Variants in TAFA5 observed in about 807,000 individuals in gnomAD.
TAFA5 encodes the protein TAFA chemokine like family member 5.
In TAFA5, 6 loss-of-function variants were observed where a neutral mutation model predicts 15.3. That is an observed-to-expected ratio of 0.39 (90% CI 0.21 to 0.77). TAFA5 has a LOEUF of 0.77. Ranked by LOEUF, TAFA5 falls within the 30% of genes least tolerant of loss-of-function variation. The probability of loss-of-function intolerance (pLI) is 0.41; values close to 1 mark genes in which losing one functional copy is unlikely to be tolerated. For synonymous variants in TAFA5, 103 were observed against 80.7 expected (o/e 1.28, Z -1.48); for missense variants, 161 against 193.1 (o/e 0.83, Z 0.98).
At chr22:48,557,070 G>C (rs892312826) in intron 1 of TAFA5, among the ~76,000 whole-genome samples, 5 of 152,230 alleles carry the variant, frequency 3.3e-5, no homozygotes, top group African/African-American at 1.2e-4. Flanking sequence ...AGCGGGGAGT[G>C]CGCCCAGGTC....
At position 48,689,869 on chromosome 22, in the gene TAFA5, G is replaced by C. The variant is rs886688293; in HGVS notation, c.263-17848G>C. On this transcript the variant is annotated intron_variant, in intron 2 of 3. Transcript: ENST00000402357. ...GGTTGGTGTAAGTGTCTCTGAGCCT[G>C]GCTGGGTGCTTCCCTCAGTCACTAG... Among the ~76,000 whole-genome samples, 12 of 152,334 alleles carry C rather than the reference G, an allele frequency of 7.9e-5. No individual in the cohort carries two copies. In the South Asian group the frequency reaches 1.0e-3, roughly 13 times the overall value.
intron 1 of TAFA5, among the ~76,000 whole-genome samples, chr22:48,515,291 A>G (rs1164398403): frequency 6.6e-6 from 1 of 151,936 alleles, no homozygotes; most frequent in Non-Finnish European, 1.5e-5. Flanking sequence ...GCAGGTGCAG[A>G]GCTGGCAAAT....
chr22:48,544,737 G>C (rs552947760), intron 1 of TAFA5: 7 of 471,152 alleles, frequency 1.5e-5, no homozygotes, highest in Non-Finnish European at 3.1e-5. Context: ...TCCCCACTCC[G>C]GGCTGCGGGG....
chr22:48,539,117 G>A, intron 1 of TAFA5: 1 of 268,894 alleles, frequency 3.7e-6, no homozygotes, highest in South Asian at 4.3e-5. Context: ...CCCGGGGAGA[G>A]AAGTATCCTG....
chr22:48,693,523 G>C (rs1277414613), intron 2 of TAFA5: 2 of 1,485,080 alleles, frequency 1.3e-6, no homozygotes, highest in Non-Finnish European at 1.8e-6. Context: ...CAGCAGGTGA[G>C]GCCCGCAGGA....
At chr22:48,532,997 G>A (rs1033282293) in intron 1 of TAFA5, among the ~76,000 whole-genome samples, 3 of 152,176 alleles carry the variant, frequency 2.0e-5, no homozygotes, top group Admixed American at 6.5e-5. Flanking sequence ...TGAAGTGAGC[G>A]CAGGGTGCTG....
rs1923735570 is a variant in TAFA5, at chr22:48,575,410, G to C, written c.113-71187G>C. 2.0e-5 allele frequency among the ~76,000 whole-genome samples: 3 copies of C among 146,598 alleles called. No individual in the cohort carries two copies. The South Asian group carries it at 6.3e-4, about 31-fold the overall frequency. On this transcript the variant is annotated intron_variant, in intron 1 of 3. Coordinates refer to ENST00000402357, the MANE Select transcript of TAFA5 (RefSeq NM_001082967.3). ...CGCAGACGGCGGCGGGCGCGGGCCG[G>C]AGTCCGAGGCTGCGCGGGCCCGGCC...
In TAFA5 at chr22:48,707,602, C is replaced by T. The variant is rs976854718; in HGVS notation, c.263-115C>T. The T allele has an allele frequency of 2.0e-4, 256 of 1,303,090 alleles. 3 individuals are homozygous for T. In the South Asian group the frequency reaches 2.1e-3, roughly 11 times the overall value. 80.7% of individuals were successfully genotyped at this position (1,303,090 alleles called of 1,614,324 possible). On this transcript the variant is annotated intron_variant, in intron 2 of 3. Coordinates refer to ENST00000402357, the MANE Select transcript of TAFA5 (RefSeq NM_001082967.3). ...GTGTGAGGGTCCCTGGGTGGAGCCA[C>T]GCCGGGCATTGCCTGAGGGCCCCCC...
At chr22:48,493,622 A>G (rs1340280005) in intron 1 of TAFA5, among the ~76,000 whole-genome samples, 3 of 152,104 alleles carry the variant, frequency 2.0e-5, no homozygotes, top group Non-Finnish European at 4.4e-5. Flanking sequence ...AAAAATTCTC[A>G]CTGTGTTTTT....
At chr22:48,527,368 C>T (rs1034252641) in intron 1 of TAFA5, among the ~76,000 whole-genome samples, 1 of 152,250 alleles carries the variant, frequency 6.6e-6, no homozygotes, top group African/African-American at 2.4e-5. Flanking sequence ...AATGGATGAG[C>T]AGCTATGGTG....
At chr22:48,676,843 G>T (rs189173540) in intron 2 of TAFA5, among the ~76,000 whole-genome samples, 1 of 152,240 alleles carries the variant, frequency 6.6e-6, no homozygotes, top group Non-Finnish European at 1.5e-5. Flanking sequence ...CTTCCTGGAA[G>T]TGGGATGCTC....
intron 1 of TAFA5, among the ~76,000 whole-genome samples, chr22:48,630,471 G>A (rs1421766834): frequency 3.3e-5 from 5 of 152,080 alleles, no homozygotes; most frequent in Non-Finnish European, 5.9e-5. Context: ...TTGTTGAGTC[G>A]TCAGCGGCGT....
chr22:48,740,468 A>G (rs1930147923), intron 3 of TAFA5, among the ~76,000 whole-genome samples: 1 of 152,120 alleles, frequency 6.6e-6, no homozygotes, highest in Non-Finnish European at 1.5e-5. Context: ...CCCACTGCTT[A>G]GTGAGCAAAA....
At chr22:48,740,945 T>G (rs1316846102) in intron 3 of TAFA5, among the ~76,000 whole-genome samples, 1 of 152,204 alleles carries the variant, frequency 6.6e-6, no homozygotes, top group African/African-American at 2.4e-5. Flanking sequence ...AGGTCCCATC[T>G]GCCTCCTCGC....
At position 48,607,495 on chromosome 22, in the gene TAFA5, C is replaced by A. The variant is rs1036169651; in HGVS notation, c.113-39102C>A. On this transcript the variant is annotated intron_variant, in intron 1 of 3. Transcript: ENST00000402357. The stretch of plus-strand genomic sequence containing the variant: ...GGTCTGTCCCGGGTTCTGATTAGGG[C>A]TGGCCCACCCATCCCAGGTACCTCA... 1.4e-4 allele frequency among the ~76,000 whole-genome samples: 20 copies of A among 138,548 alleles called. 2 individuals are homozygous for A. The highest frequency in any genetic ancestry group is 6.7e-4 in the South Asian group (3 of 4,466). The allele number at this position is 138,548 out of a possible 152,430, so 90.9% of individuals were successfully genotyped here.
chr22:48,495,862 C>T (rs144200618), intron 1 of TAFA5, among the ~76,000 whole-genome samples: 16 of 152,336 alleles, frequency 1.1e-4, no homozygotes, highest in Middle Eastern at 3.4e-3. Context: ...CTGAGCCCTC[C>T]GGCCCAGGTG....
intron 3 of TAFA5, among the ~76,000 whole-genome samples, chr22:48,745,641 C>G (rs1410218680): frequency 6.6e-6 from 1 of 152,270 alleles, no homozygotes; most frequent in Non-Finnish European, 1.5e-5. Context: ...CTAGAATTCA[C>G]TCCGTCTTCA....
chr22:48,673,835 C>A (rs1299358462), intron 2 of TAFA5, among the ~76,000 whole-genome samples: 1 of 152,164 alleles, frequency 6.6e-6, no homozygotes, highest in African/African-American at 2.4e-5. Context: ...TCCTGCCAAC[C>A]CACAGGTTCT....
chr22:48,538,966 A>G (rs1922264310), intron 1 of TAFA5: 1 of 180,766 alleles, frequency 5.5e-6, no homozygotes, highest in Non-Finnish European at 1.2e-5. Context: ...CAATAGACTT[A>G]ACATTTGGAG....
Sources: gnomAD v4.1 joint callset for allele counts (sites outside exome capture counted in the v4.1 genomes callset) on GRCh38, gnomAD v4.1.1 for gene constraint, MANE v1.5 for transcripts, NCBI Gene and HGNC (gene_info 2026-07-23, HGNC 2026-07-21) for gene names.